The following AMPH variants were observed in gnomAD, a reference collection of about 807,000 sequenced individuals.
The protein encoded by AMPH is amphiphysin.
Under a neutral mutation model 99.1 loss-of-function variants are expected in AMPH, and 49 were observed. The observed-to-expected ratio is 0.49, with a 90% confidence interval of 0.39 to 0.63. The LOEUF is 0.63. Ranked by LOEUF, AMPH falls within the 20% of genes least tolerant of loss-of-function variation. The probability of loss-of-function intolerance (pLI) is 0.00; values close to 1 mark genes in which losing one functional copy is unlikely to be tolerated. For missense variants in AMPH, 759 were observed against 863.4 expected (o/e 0.88, Z 1.52); for synonymous variants, 314 against 317.3 (o/e 0.99, Z 0.11).
In AMPH at chr7:38,534,964, G is replaced by A. The variant is rs746347656; in HGVS notation, c.117C>T (p.Phe39=). 4.3e-5 allele frequency: 69 copies of A among 1,613,882 alleles called. No individual in the cohort carries two copies. Among genetic ancestry groups the A allele is most frequent in the South Asian group, 1.4e-4 (13 of 91,086 alleles). The change falls in exon 2 of 21, where the codon TTC becomes TTT. Residue 39 remains phenylalanine, a synonymous_variant. Coordinates refer to ENST00000356264, the MANE Select transcript of AMPH (RefSeq NM_001635.4). ...GTTTGAAGTTCTGGACATATTCTTC[G>A]AACTGTTCGTCTTTTGTCTCATCAG... ...GKADETKDEQ[F]EEYVQNFKRQ...
chr7:38,469,530 C>T (rs1442517417), intron 7 of AMPH, among the ~76,000 whole-genome samples: 1 of 152,116 alleles, frequency 6.6e-6, no homozygotes, highest in African/African-American at 2.4e-5. Flanking sequence ...CCCTTGCTGT[C>T]CTTCACTTAC....
chr7:38,388,076 G>T (rs955499048), intron 20 of AMPH, among the ~76,000 whole-genome samples: 7 of 152,120 alleles, frequency 4.6e-5, no homozygotes, highest in African/African-American at 1.7e-4. Flanking sequence ...AAGATTTGCT[G>T]CCAGCAGACT....
In AMPH at chr7:38,436,367, T is replaced by C. The variant is rs948083184; in HGVS notation, c.1039A>G (p.Lys347Glu). 3 of 1,614,002 alleles carry C rather than the reference T, an allele frequency of 1.9e-6. No individual in the cohort carries two copies. Among genetic ancestry groups the C allele is most frequent in the African/African-American group, 1.3e-5 (1 of 74,918 alleles). The change falls in exon 12 of 21, where the codon AAA becomes GAA. Residue 347 changes from lysine (K) to glutamate (E), a missense_variant. Physicochemically the swap from Lys to Glu is moderately conservative, Grantham distance 56. Transcript: ENST00000356264. ...PSQNEVPEVK[K>E]EETLLDLDFD... is the part of the protein sequence containing the mutation. ...TCCAGATCCAGCAAAGTCTCCTCTT[T>C]CTTCACCTCAGGGACTTCATTCTGT...
At chr7:38,387,333 G>C (rs1784375671) in intron 20 of AMPH, among the ~76,000 whole-genome samples, 1 of 152,154 alleles carries the variant, frequency 6.6e-6, no homozygotes, top group Non-Finnish European at 1.5e-5. Flanking sequence ...GGAATTAGCA[G>C]TAAGAAATTT....
intron 6 of AMPH, among the ~76,000 whole-genome samples, chr7:38,475,971 C>T (rs1788066214): frequency 6.6e-6 from 1 of 152,202 alleles, no homozygotes; most frequent in African/African-American, 2.4e-5. Context: ...GTGAACTTGT[C>T]AGACTGCTTT....
In AMPH at chr7:38,444,306, C is replaced by A. The variant is rs547352803; in HGVS notation, c.1018-7918G>T. On this transcript the variant is annotated intron_variant, in intron 11 of 20. Coordinates refer to ENST00000356264, the MANE Select transcript of AMPH (RefSeq NM_001635.4). ...TTTGAATAGTATTTTCCCCCACCCCCCAAATTTCATGCCTATCTGGAACCT... is the reference window on the plus strand; with the variant it reads ...TTTGAATAGTATTTTCCCCCACCCCACAAATTTCATGCCTATCTGGAACCT... Among the ~76,000 whole-genome samples the A allele has an allele frequency of 2.0e-5, 3 of 152,222 alleles. 1 individual carries two copies. The East Asian group carries it at 5.8e-4, about 29-fold the overall frequency.
chr7:38,445,171 A>C (rs908614750), intron 11 of AMPH, among the ~76,000 whole-genome samples: 2 of 151,606 alleles, frequency 1.3e-5, no homozygotes, highest in Non-Finnish European at 2.9e-5. Context: ...AAAGGTACAA[A>C]GGCAATTTAG....
intron 1 of AMPH, among the ~76,000 whole-genome samples, chr7:38,539,783 C>G (rs190473071): frequency 6.6e-6 from 1 of 152,322 alleles, no homozygotes; most frequent in Admixed American, 6.5e-5. Flanking sequence ...CTCTAGGCCC[C>G]ACTGAGGCAA....
At chr7:38,604,681 T>C (rs1326494219) in intron 1 of AMPH, among the ~76,000 whole-genome samples, 1 of 152,294 alleles carries the variant, frequency 6.6e-6, no homozygotes, top group Non-Finnish European at 1.5e-5. Flanking sequence ...CCAGCTCTTA[T>C]TATTATTACC....
chr7:38,384,841 T>C lies in AMPH; in HGVS notation c.2065A>G (p.Asn689Asp), dbSNP rs1784307586. ...CCCTAATCTAAGCGTCGGGTGAAGTTCTCTGGAAAGAGGCCTTTGTAGGTG... is the reference window on the plus strand; with the variant it reads ...CCCTAATCTAAGCGTCGGGTGAAGTCCTCTGGAAAGAGGCCTTTGTAGGTG... ...LATYKGLFPENFTRRLD is the reference protein window; with the variant it reads ...LATYKGLFPEDFTRRLD Residue 689 changes from asparagine (N) to aspartate (D), a missense_variant, in exon 21 of 21, where the codon AAC becomes GAC. Transcript: ENST00000356264. The C allele has an allele frequency of 3.1e-6, 5 of 1,613,964 alleles. No homozygotes were observed. The highest frequency in any genetic ancestry group is 4.2e-6 in the Non-Finnish European group (5 of 1,179,964).
chr7:38,416,102 A>AATATATATATATATATATATATATATAG (rs5883648), intron 17 of AMPH, among the ~76,000 whole-genome samples: 14 of 100,482 alleles, frequency 1.4e-4, no homozygotes, highest in African/African-American at 4.7e-4. Flanking sequence ...CAAACATATG[A>AATATATATATATATATATATATATATAG]ATATATATAT....
chr7:38,490,994 T>A (rs368920104), intron 5 of AMPH, 56 bp downstream of exon 5: 38 of 1,138,070 alleles, frequency 3.3e-5, no homozygotes, highest in East Asian at 1.2e-4. Context: ...TGCCCATGTT[T>A]CAATAACTAC....
chr7:38,450,045 C>T (rs1222492832), intron 11 of AMPH, among the ~76,000 whole-genome samples: 1 of 152,094 alleles, frequency 6.6e-6, no homozygotes, highest in Non-Finnish European at 1.5e-5. Flanking sequence ...AAAACAGAGA[C>T]ATAAGGGTAG....
At chr7:38,608,413 A>G (rs1039481462) in intron 1 of AMPH, among the ~76,000 whole-genome samples, 1 of 152,124 alleles carries the variant, frequency 6.6e-6, no homozygotes, top group Non-Finnish European at 1.5e-5. Flanking sequence ...ATTGCCTGGC[A>G]AGGTATCTCT....
chr7:38,475,463 T>C, intron 6 of AMPH, 47 bp from the exon 7 acceptor site: 2 of 1,222,784 alleles, frequency 1.6e-6, no homozygotes, highest in Non-Finnish European at 1.2e-6. Flanking sequence ...AGACCATTTC[T>C]ATACACAACA....
chr7:38,490,805 TA>T (rs1459639498), intron 5 of AMPH, among the ~76,000 whole-genome samples: 3 of 152,176 alleles, frequency 2.0e-5, no homozygotes, highest in East Asian at 1.9e-4. Flanking sequence ...TCTATAGGTT[TA>T]AAAAGACTTC....
At chr7:38,572,623 G>A (rs976927004) in intron 1 of AMPH, among the ~76,000 whole-genome samples, 1 of 152,170 alleles carries the variant, frequency 6.6e-6, no homozygotes, top group Non-Finnish European at 1.5e-5. Flanking sequence ...GAGCCCAAGG[G>A]CCAAGATCAC....
At chr7:38,442,597 T>C (rs1251960693) in intron 11 of AMPH, among the ~76,000 whole-genome samples, 3 of 152,132 alleles carry the variant, frequency 2.0e-5, no homozygotes, top group African/African-American at 4.8e-5. Flanking sequence ...AATACTCTTC[T>C]AAATAATTCA....
At chr7:38,542,148 C>T (rs1398637494) in intron 1 of AMPH, among the ~76,000 whole-genome samples, 2 of 152,204 alleles carry the variant, frequency 1.3e-5, no homozygotes, top group Non-Finnish European at 2.9e-5. Flanking sequence ...CCAGGAGTTG[C>T]TGCCTGCTGG....
Sources: allele counts gnomAD v4.1 joint callset (sites outside exome capture counted in the v4.1 genomes callset), GRCh38; gene constraint gnomAD v4.1.1; transcripts MANE v1.5; gene names NCBI Gene and HGNC (gene_info 2026-07-23, HGNC 2026-07-21).